Variants in FBP1 observed in about 807,000 individuals in gnomAD.
FBP1 encodes fructose-bisphosphatase 1.
Under a neutral mutation model 29.9 loss-of-function variants are expected in FBP1, and 22 were observed. The observed-to-expected ratio is 0.74, with a 90% CI of 0.53 to 1.05. The LOEUF (loss-of-function observed/expected upper bound fraction) is 1.05. Among genes scored for constraint, FBP1 ranks in the 50% least tolerant of loss-of-function variants. The probability of loss-of-function intolerance (pLI) is 0.00; values close to 1 mark genes in which losing one functional copy is unlikely to be tolerated. For missense variants in FBP1, 345 were observed against 448.2 expected, an observed-to-expected ratio of 0.77 and a Z score of 2.08; for synonymous variants, 175 against 178.6, an observed-to-expected ratio of 0.98 and a Z score of 0.16.
intron 5 of FBP1, among the ~76,000 whole-genome samples, chr9:94,606,558 G>T (rs1168466687): frequency 2.6e-5 from 4 of 152,234 alleles, no homozygotes; most frequent in Admixed American, 2.0e-4. Flanking sequence ...GAGAATTCCA[G>T]TCTCCAGTAC....
At chr9:94,632,123 G>A (rs780051495) in intron 1 of FBP1, among the ~76,000 whole-genome samples, 3 of 152,064 alleles carry the variant, frequency 2.0e-5, no homozygotes, top group African/African-American at 2.4e-5. Context: ...ATTAGCTGAC[G>A]TGTCATTCTA....
intron 1 of FBP1, among the ~76,000 whole-genome samples, chr9:94,626,915 G>A (rs952280322): frequency 3.3e-5 from 5 of 151,916 alleles, no homozygotes; most frequent in South Asian, 2.1e-4. Flanking sequence ...TTGGCCAGTC[G>A]CAGTGGCTCA....
chr9:94,618,375 C>A (rs1208172501), intron 2 of FBP1, among the ~76,000 whole-genome samples: 1 of 142,156 alleles, frequency 7.0e-6, no homozygotes, highest in African/African-American at 2.6e-5. Context: ...AATCCTAGCA[C>A]TTTGGGAGGC....
Position 94,623,532 on chromosome 9 carries a change from G to T in FBP1, c.171-3041C>A, listed in dbSNP as rs529510623. Among the ~76,000 whole-genome samples, 3 of 152,322 alleles carry T rather than the reference G, an allele frequency of 2.0e-5. No individual in the cohort carries two copies. The East Asian group carries it at 5.8e-4, about 29-fold the overall frequency. On this transcript the variant is annotated intron_variant, in intron 1 of 6. Coordinates refer to ENST00000375326, the MANE Select transcript of FBP1 (RefSeq NM_000507.4). ...AGGTGCAGCCTGACAGGGACAGCTC[G>T]GGGGGCCGGGAGGGCTGGGCAGAGG...
At chr9:94,617,929 G>T in intron 2 of FBP1, 69 bp from the exon 3 acceptor site, 3 of 1,205,604 alleles carry the variant, frequency 2.5e-6, no homozygotes, top group Non-Finnish European at 1.2e-6. Flanking sequence ...GTATACATTA[G>T]GGGCTAAGAA....
chr9:94,614,580 C>A (rs1827836138), intron 3 of FBP1, among the ~76,000 whole-genome samples: 1 of 152,104 alleles, frequency 6.6e-6, no homozygotes, highest in Non-Finnish European at 1.5e-5. Context: ...TGGAAAGATG[C>A]TGTGGCAGGA....
intron 1 of FBP1, among the ~76,000 whole-genome samples, chr9:94,627,458 C>T (rs1048822960): frequency 1.3e-5 from 2 of 152,204 alleles, no homozygotes; most frequent in Non-Finnish European, 2.9e-5. Context: ...ACTCTATATT[C>T]CAATCACCAC....
chr9:94,614,012 C>T (rs1458738329), intron 3 of FBP1, among the ~76,000 whole-genome samples: 3 of 148,360 alleles, frequency 2.0e-5, no homozygotes, highest in Non-Finnish European at 4.5e-5. Context: ...ACCCGGGAGG[C>T]AGGGCTTGCA....
chr9:94,611,504 G>A (rs1480988023), intron 3 of FBP1, among the ~76,000 whole-genome samples: 1 of 152,120 alleles, frequency 6.6e-6, no homozygotes, highest in East Asian at 1.9e-4. Flanking sequence ...TATAATCCCA[G>A]CACTTTGGGA....
intron 2 of FBP1, 129 bp downstream of exon 2, chr9:94,620,200 G>T: frequency 1.1e-6 from 1 of 923,290 alleles, no homozygotes; most frequent in Non-Finnish European, 1.8e-6. Flanking sequence ...TGGAAGCTAT[G>T]AAAAGACCAC....
chr9:94,615,154 C>T (rs1354791936), intron 3 of FBP1, among the ~76,000 whole-genome samples: 1 of 152,134 alleles, frequency 6.6e-6, no homozygotes, highest in Non-Finnish European at 1.5e-5. Flanking sequence ...GTGATCCGCC[C>T]GCCTGGGCCT....
At chr9:94,637,816 C>T (rs1181411047) in intron 1 of FBP1, among the ~76,000 whole-genome samples, 2 of 151,788 alleles carry the variant, frequency 1.3e-5, no homozygotes, top group Admixed American at 6.6e-5. Context: ...TACCTGCGCA[C>T]GGCGGCTCAT....
intron 3 of FBP1, among the ~76,000 whole-genome samples, chr9:94,615,605 T>G (rs1011749450): frequency 1.3e-5 from 2 of 152,174 alleles, no homozygotes; most frequent in South Asian, 4.1e-4. Context: ...ATGGATAAAT[T>G]GTTGCCTTTT....
chr9:94,605,845 G>A (rs944732229), intron 5 of FBP1, among the ~76,000 whole-genome samples: 5 of 152,172 alleles, frequency 3.3e-5, no homozygotes, highest in African/African-American at 1.2e-4. Flanking sequence ...TGGGGCTGAG[G>A]CAGGCATTAC....
intron 3 of FBP1, among the ~76,000 whole-genome samples, chr9:94,615,184 C>T (rs1587857879): frequency 2.6e-5 from 4 of 152,026 alleles, no homozygotes; most frequent in Middle Eastern, 6.8e-3. Context: ...CTGGGATTAC[C>T]GGGGTGAGCC....
chr9:94,628,323 T>G (rs1471505291), intron 1 of FBP1, among the ~76,000 whole-genome samples: 1 of 149,714 alleles, frequency 6.7e-6, no homozygotes, highest in Non-Finnish European at 1.5e-5. Context: ...GAGGCAAAGG[T>G]TGCAGTGAGC....
chr9:94,604,601 A>T (rs1754438), intron 6 of FBP1, among the ~76,000 whole-genome samples: 133,083 of 151,902 alleles, frequency 0.88, 58,470 homozygotes, highest in East Asian at 0.95. Flanking sequence ...CTGGTCAACA[A>T]GGTGAAACCC....
chr9:94,605,931 G>A (rs1204466250), intron 5 of FBP1, among the ~76,000 whole-genome samples: 1 of 152,180 alleles, frequency 6.6e-6, no homozygotes, highest in African/African-American at 2.4e-5. Context: ...GCAGGGGTGG[G>A]AGGCAGTGTG....
chr9:94,616,934 T>TTCTC (rs553480504), intron 3 of FBP1, among the ~76,000 whole-genome samples: 2 of 103,150 alleles, frequency 1.9e-5, no homozygotes, highest in Non-Finnish European at 4.1e-5. Context: ...CTCTCTCTCT[T>TTCTC]TCTCTCTCTC....
Sources: allele counts gnomAD v4.1 joint callset (sites outside exome capture counted in the v4.1 genomes callset), GRCh38; gene constraint gnomAD v4.1.1; transcripts MANE v1.5; gene names NCBI Gene and HGNC (gene_info 2026-07-23, HGNC 2026-07-21).